The following HSPG2 variants were observed in gnomAD, a reference collection of about 807,000 sequenced individuals.
HSPG2 encodes the protein heparan sulfate proteoglycan 2.
In HSPG2, 278 loss-of-function variants were observed where a neutral mutation model predicts 526.6. That is an observed-to-expected ratio of 0.53 (90% CI 0.48 to 0.58). The LOEUF is 0.58. HSPG2 is among the 20% of genes least tolerant of loss of function. The pLI is 0.00. For synonymous variants in HSPG2, 2,465 were observed against 2,555.4 expected, an observed-to-expected ratio of 0.96 and a Z score of 1.07; for missense variants, 5,354 against 6,099.5, an observed-to-expected ratio of 0.88 and a Z score of 4.07.
At chr1:21,871,568 T>C (rs1640654858) in intron 33 of HSPG2, among the ~76,000 whole-genome samples, 1 of 152,138 alleles carries the variant, frequency 6.6e-6, no homozygotes, top group Non-Finnish European at 1.5e-5. Context: ...GGCAGAGCAT[T>C]TGAAGGGCAG....
intron 91 of HSPG2, among the ~76,000 whole-genome samples, chr1:21,826,551 G>C (rs1337491808): frequency 6.6e-6 from 1 of 151,948 alleles, no homozygotes; most frequent in African/African-American, 2.4e-5. Context: ...TGTTGCCCAG[G>C]CTGGAGTGCA....
At position 21,848,572 on chromosome 1, in the gene HSPG2, G is replaced by T; in HGVS notation, c.7737+71C>A. On this transcript the variant is annotated intron_variant, in intron 59 of 96. Coordinates refer to ENST00000374695, the MANE Select transcript of HSPG2 (RefSeq NM_005529.7). The surrounding 1 kb of genome is among the most constrained non-coding windows in gnomAD (Gnocchi z 4.9). The stretch of plus-strand genomic sequence containing the variant: ...CTGAATGAGCACAGAGTGAGGTGCT[G>T]AGAGTCCCCCCTCTTCCCATTGGGG... The T allele has an allele frequency of 6.5e-7, 1 of 1,531,534 alleles. No homozygotes were observed. Among genetic ancestry groups the T allele is most frequent in the Non-Finnish European group, 9.0e-7 (1 of 1,107,848 alleles). The allele number at this position is 1,531,534 out of a possible 1,614,324, so 94.9% of individuals were successfully genotyped here. A position where few individuals can be genotyped will look rare whatever the true frequency, so the allele number is the denominator to read the frequency against.
At chr1:21,846,305 T>C (rs1167251699) in intron 63 of HSPG2, 50 bp from the exon 64 acceptor site, 1 of 1,612,188 alleles carries the variant, frequency 6.2e-7, no homozygotes, top group Admixed American at 1.7e-5. Flanking sequence ...AGTCTGGAAC[T>C]GTTGAAGGCC....
chr1:21,831,523 G>A lies in HSPG2; in HGVS notation c.11392C>T (p.Leu3798=), dbSNP rs774295074. Residue 3798 remains leucine (L), a synonymous_variant, in exon 83 of 97, where the codon CTG becomes TTG. Transcript: ENST00000374695. ...QGLDLNEELY[L]GGYPDYGAIP... ...GCACCATAGTCAGGATAGCCACCCA[G>A]GTAGAGTTCCTCGTTCAGATCCAGG... is the stretch of plus-strand genomic sequence containing the variant. 2 of 1,614,186 alleles carry A rather than the reference G, an allele frequency of 1.2e-6. No homozygotes were observed. Among genetic ancestry groups the A allele is most frequent in the East Asian group, 4.5e-5 (2 of 44,878 alleles).
chr1:21,869,706 G>C (rs1312024735), intron 33 of HSPG2: 1 of 986,002 alleles, frequency 1.0e-6, no homozygotes, highest in Non-Finnish European at 1.2e-6. Context: ...GGAGCAGAGA[G>C]GGACAGAAAG....
In HSPG2 at chr1:21,849,502, C is replaced by G. The variant is rs1179862140; in HGVS notation, c.7447-471G>C. On this transcript the variant is annotated intron_variant, in intron 57 of 96. Transcript: ENST00000374695. The stretch of plus-strand genomic sequence containing the variant: ...ATTCTAGACACACATTTCAGTGTCT[C>G]CAAAATCAAGATGCATCTACAATGA... Among the ~76,000 whole-genome samples the G allele has an allele frequency of 4.6e-5, 7 of 152,304 alleles. No homozygotes were observed. The East Asian group carries it at 9.6e-4, about 21-fold the overall frequency.
At chr1:21,929,305 A>G (rs554024752) in intron 1 of HSPG2, among the ~76,000 whole-genome samples, 2 of 152,242 alleles carry the variant, frequency 1.3e-5, no homozygotes, top group Non-Finnish European at 2.9e-5. Flanking sequence ...TTGGGTGGGG[A>G]CGGGGGAGCT....
chr1:21,842,441 A>G lies in HSPG2; in HGVS notation c.8911-61T>C. On this transcript the variant is annotated intron_variant, in intron 67 of 96. Coordinates refer to ENST00000374695, the MANE Select transcript of HSPG2 (RefSeq NM_005529.7). ...AGTCCCCAGGACAAGGAATGTCCCCAAGCCCAACTGTGCCGGTACCCAAGA... is the reference window on the plus strand; with the variant it reads ...AGTCCCCAGGACAAGGAATGTCCCCGAGCCCAACTGTGCCGGTACCCAAGA... 7.3e-6 allele frequency: 11 copies of G among 1,500,406 alleles called. No individual in the cohort carries two copies. The South Asian group carries it at 9.0e-5, about 12-fold the overall frequency. 92.9% of individuals were successfully genotyped at this position (1,500,406 alleles called of 1,614,324 possible).
intron 76 of HSPG2, 36 bp downstream of exon 76, chr1:21,835,504 C>G: frequency 7.2e-7 from 1 of 1,395,982 alleles, no homozygotes; most frequent in Non-Finnish European, 1.0e-6. Context: ...ATCTCTGTTC[C>G]CTGCTCTTAG....
At chr1:21,829,922 C>T (rs919069348) in intron 86 of HSPG2, 71 bp downstream of exon 86, 12 of 1,308,354 alleles carry the variant, frequency 9.2e-6, no homozygotes, top group Admixed American at 5.9e-5. Context: ...CCATCATGGC[C>T]TCAGAGTGCC....
At position 21,855,850 on chromosome 1, in the gene HSPG2, C is replaced by T. The variant is rs755793917; in HGVS notation, c.5638G>A (p.Gly1880Arg). 4.3e-5 allele frequency: 69 copies of T among 1,612,878 alleles called. No homozygotes were observed. The highest frequency in any genetic ancestry group is 2.0e-4 in the East Asian group (9 of 44,886). ...CTGCAGCGGAACTCCGCCAGTTGCC[C>T]GGGCTGCACTGTGAGCTGTGGCGGA... ...IHPPQLTVQPGQLAEFRCSAT... is the reference protein window; with the variant it reads ...IHPPQLTVQPRQLAEFRCSAT... Residue 1880 changes from glycine to arginine, a missense_variant, in exon 45 of 97, where the codon GGG becomes AGG. Transcript: ENST00000374695.
chr1:21,881,369 C>A lies in HSPG2; in HGVS notation c.1788G>T (p.Trp596Cys). ...SRRFLVHDSFWALPEQFLGNK... is the reference protein window; with the variant it reads ...SRRFLVHDSFCALPEQFLGNK... Reference sequence around the variant, plus strand: ...TGCCCAGGAACTGTTCAGGCAGAGCCCAGAAGGAGTCGTGGACGAGGAAGC... The same window carrying A: ...TGCCCAGGAACTGTTCAGGCAGAGCACAGAAGGAGTCGTGGACGAGGAAGC... Residue 596 changes from tryptophan to cysteine, a missense_variant, in exon 14 of 97, where the codon TGG (tryptophan) becomes TGT (cysteine). By Grantham distance (215) the Trp-to-Cys change is radical. Coordinates refer to ENST00000374695, the MANE Select transcript of HSPG2 (RefSeq NM_005529.7). 6.2e-7 allele frequency: 1 copy of A among 1,614,158 alleles called. No individual in the cohort carries two copies. Among genetic ancestry groups the A allele is most frequent in the Non-Finnish European group, 8.5e-7 (1 of 1,180,042 alleles).
Position 21,861,803 on chromosome 1 carries a change from G to A in HSPG2, c.4909C>T (p.Arg1637Cys), listed in dbSNP as rs142149919. 1.2e-4 allele frequency: 189 copies of A among 1,613,610 alleles called. No homozygotes were observed. The highest frequency in any genetic ancestry group is 6.6e-4 in the Middle Eastern group (4 of 6,084). The change falls in exon 39 of 97, where the codon CGC becomes TGC. Residue 1637 changes from arginine (R) to cysteine (C), a missense_variant. Transcript: ENST00000374695. ...TCESLGAGGY[R>C]CTACEPGYTG... ...TAGCCGGGTTCGCAGGCCGTGCAGC[G>A]GTACCCGCCGGCTCCCAGGCTCTCA... is the stretch of plus-strand genomic sequence containing the variant.
chr1:21,867,412 C>G (rs940566749), intron 33 of HSPG2, among the ~76,000 whole-genome samples: 4 of 152,094 alleles, frequency 2.6e-5, no homozygotes, highest in Non-Finnish European at 1.5e-5. Context: ...ACGGCAGACT[C>G]CACAGTCTGA....
intron 1 of HSPG2, among the ~76,000 whole-genome samples, chr1:21,905,420 CCA>C (rs1307205919): frequency 6.6e-6 from 1 of 152,228 alleles, no homozygotes; most frequent in Non-Finnish European, 1.5e-5. Context: ...ATCACTCGCT[CCA>C]CTTCTTCCAG....
rs1296454133 is a variant in HSPG2 at position 21,874,283 on chromosome 1, C to T, written c.3656+123G>A. ...GAAGTGTATCTCACACCAAGTGACACTGAGCAGGCAGTAAGGCCAGGATTT... is the reference window on the plus strand; with the variant it reads ...GAAGTGTATCTCACACCAAGTGACATTGAGCAGGCAGTAAGGCCAGGATTT... On this transcript the variant is annotated intron_variant, in intron 28 of 96. Transcript: ENST00000374695. The T allele has an allele frequency of 1.4e-5, 18 of 1,326,000 alleles. No individual in the cohort carries two copies. The East Asian group carries it at 4.0e-4, about 29-fold the overall frequency. The allele number at this position is 1,326,000 out of a possible 1,614,324, so 82.1% of individuals were successfully genotyped here.
At chr1:21,834,431 G>T (rs557820698) in intron 77 of HSPG2, among the ~76,000 whole-genome samples, 1 of 152,244 alleles carries the variant, frequency 6.6e-6, no homozygotes, top group African/African-American at 2.4e-5. Flanking sequence ...TGAGGACAAG[G>T]TTTCTTTTTT....
Position 21,834,791 on chromosome 1 carries a change from G to A in HSPG2, c.10608C>T (p.Ser3536=), listed in dbSNP as rs549166484. The change falls in exon 77 of 97, where the codon AGC becomes AGT. Residue 3536 remains serine (S), a synonymous_variant. Coordinates refer to ENST00000374695, the MANE Select transcript of HSPG2 (RefSeq NM_005529.7). ...CGTGGGCGATCCTGACGACACCTCCGCTCTGCACAATGCCTGGCCGCAGGT... is the reference window on the plus strand; with the variant it reads ...CGTGGGCGATCCTGACGACACCTCCACTCTGCACAATGCCTGGCCGCAGGT... ...GGHLRPGIVQ[S]GGVVRIAHVE... is the part of the protein sequence containing the mutation. 4.7e-5 allele frequency: 76 copies of A among 1,614,184 alleles called. No homozygotes were observed. The highest frequency in any genetic ancestry group is 1.3e-4 in the Admixed American group (8 of 60,034).
At position 21,823,045 on chromosome 1, in the gene HSPG2, G is replaced by T; in HGVS notation, c.*271C>A. 2.7e-6 allele frequency: 1 copy of T among 367,714 alleles called. No individual in the cohort carries two copies. The highest frequency in any genetic ancestry group is 4.8e-6 in the Non-Finnish European group (1 of 206,410). 22.8% of individuals were successfully genotyped at this position (367,714 alleles called of 1,614,324 possible). A position where few individuals can be genotyped will look rare whatever the true frequency, so the allele number is the denominator to read the frequency against. ...AGGGGGACAGTGGGGGCAGTTCTGG[G>T]CCCACCCAGCCACTGTTCCTGACCC... On this transcript the variant is annotated 3_prime_UTR_variant, in exon 97 of 97. Coordinates refer to ENST00000374695, the MANE Select transcript of HSPG2 (RefSeq NM_005529.7).
Sources: gnomAD v4.1 joint callset for allele counts (sites outside exome capture counted in the v4.1 genomes callset) on GRCh38, gnomAD v4.1.1 for gene constraint, Gnocchi (gnomAD v3.1) non-coding constraint, MANE v1.5 for transcripts, NCBI Gene and HGNC (gene_info 2026-07-23, HGNC 2026-07-21) for gene names.